The following RGS8 variants were observed in gnomAD, a reference collection of about 807,000 sequenced individuals.
The protein encoded by RGS8 is regulator of G-protein signaling 8.
RGS8 carries 8 observed loss-of-function variants against 21.7 expected under a neutral mutation model. The ratio of observed to expected loss-of-function variants is 0.37; its 90% CI spans 0.22 to 0.66. The LOEUF (loss-of-function observed/expected upper bound fraction) is 0.66, where lower values mean the gene tolerates loss of function less well. Among genes scored for constraint, RGS8 ranks in the 30% least tolerant of loss-of-function variants. The probability of loss-of-function intolerance (pLI) is 0.59; values close to 1 mark genes in which losing one functional copy is unlikely to be tolerated. For synonymous variants in RGS8, 80 were observed against 83.6 expected (o/e 0.96, Z 0.24); for missense variants, 157 against 217.9 (o/e 0.72, Z 1.76).
At chr1:182,700,438 G>A in the RGS8 span, among the ~76,000 whole-genome samples, 1 of 152,078 alleles carries the variant, frequency 6.6e-6, no homozygotes, top group South Asian at 2.1e-4. Flanking sequence ...ATTCCTCCCC[G>A]AAAACGTAAC....
At chr1:182,679,940 G>A (rs1029795965) in intron 1 of RGS8, among the ~76,000 whole-genome samples, 3 of 152,070 alleles carry the variant, frequency 2.0e-5, no homozygotes, top group African/African-American at 7.2e-5. Flanking sequence ...AGTAATTACA[G>A]GCAACTCCCT....
the RGS8 span, among the ~76,000 whole-genome samples, chr1:182,721,377 A>G: frequency 6.6e-6 from 1 of 152,276 alleles, no homozygotes; most frequent in South Asian, 2.1e-4. Flanking sequence ...ACAAAGATCT[A>G]GGGATGTCAT....
the RGS8 span, among the ~76,000 whole-genome samples, chr1:182,700,025 T>C: frequency 5.3e-5 from 8 of 152,134 alleles, 1 homozygote; most frequent in Non-Finnish European, 8.8e-5. Context: ...CTTCCCGAGC[T>C]CGGGATCCAG....
the RGS8 span, among the ~76,000 whole-genome samples, chr1:182,726,141 CT>C: frequency 6.7e-6 from 1 of 148,476 alleles, no homozygotes; most frequent in African/African-American, 2.5e-5. Context: ...GCACTGATTG[CT>C]TTTGGGAAAG....
At chr1:182,741,205 TG>T in the RGS8 span, among the ~76,000 whole-genome samples, 1 of 73,484 alleles carries the variant, frequency 1.4e-5, no homozygotes, top group African/African-American at 5.6e-5. Context: ...ACCTCCCTCC[TG>T]GACGGGGCGG....
chr1:182,654,711 A>T (rs1267113554), intron 5 of RGS8, among the ~76,000 whole-genome samples: 3 of 145,416 alleles, frequency 2.1e-5, no homozygotes, highest in Admixed American at 6.9e-5. Flanking sequence ...AGAATGTGAT[A>T]AAAAAAAAAC....
chr1:182,697,019 G>A, the RGS8 span, among the ~76,000 whole-genome samples: 2 of 152,128 alleles, frequency 1.3e-5, no homozygotes, highest in Admixed American at 6.5e-5. Flanking sequence ...GCAGAAGTAG[G>A]AGTCCCAAGA....
the RGS8 span, among the ~76,000 whole-genome samples, chr1:182,721,082 CATATATATGTGTGTATATATATACAT>C: frequency 4.0e-5 from 4 of 99,816 alleles, no homozygotes; most frequent in Admixed American, 2.2e-4. Flanking sequence ...CATATATACA[CATATATATGTGTGTATATATATACAT>C]ATATATATGA....
chr1:182,667,125 C>T, intron 3 of RGS8, 152 bp from the exon 5 acceptor site: 1 of 638,456 alleles, frequency 1.6e-6, no homozygotes. Flanking sequence ...CAGGAAGAGA[C>T]CACCTAGAGA....
At chr1:182,686,647 C>T (rs1194954021), upstream of RGS8, among the ~76,000 whole-genome samples, 1 of 152,140 alleles carries the variant, frequency 6.6e-6, no homozygotes, top group African/African-American at 2.4e-5. Flanking sequence ...CAAATGAAAA[C>T]TAATTGTGTG....
chr1:182,663,127 T>C (rs150099970), intron 5 of RGS8, among the ~76,000 whole-genome samples: 279 of 152,280 alleles, frequency 1.8e-3, no homozygotes, highest in African/African-American at 6.2e-3. Flanking sequence ...ATTGTCTTAA[T>C]TGCAAGCTCC....
At chr1:182,748,433 G>A in the RGS8 span, among the ~76,000 whole-genome samples, 2 of 152,178 alleles carry the variant, frequency 1.3e-5, no homozygotes, top group African/African-American at 2.4e-5. Context: ...GCAAATGGCA[G>A]GATTTCATTC....
chr1:182,659,448 C>A (rs1175128222), intron 5 of RGS8, among the ~76,000 whole-genome samples: 3 of 152,194 alleles, frequency 2.0e-5, no homozygotes, highest in African/African-American at 7.2e-5. Context: ...CGCCTATAGT[C>A]TCAGCATTTT....
At chr1:182,709,077 GGCTT>G in the RGS8 span, among the ~76,000 whole-genome samples, 3 of 137,390 alleles carry the variant, frequency 2.2e-5, no homozygotes, top group South Asian at 4.7e-4. Flanking sequence ...TCCTTTTCCT[GGCTT>G]TCTTTCTACT....
chr1:182,738,914 C>G, the RGS8 span, among the ~76,000 whole-genome samples: 1 of 152,080 alleles, frequency 6.6e-6, no homozygotes, highest in Non-Finnish European at 1.5e-5. Context: ...GGATGAAGGT[C>G]GATGGTAAGG....
the RGS8 span, among the ~76,000 whole-genome samples, chr1:182,702,665 T>A: frequency 6.6e-6 from 1 of 152,246 alleles, no homozygotes; most frequent in East Asian, 1.9e-4. Flanking sequence ...TCATCAGTGA[T>A]TTTCTAATTA....
At chr1:182,658,149 C>G (rs1006748655) in intron 5 of RGS8, among the ~76,000 whole-genome samples, 1 of 152,212 alleles carries the variant, frequency 6.6e-6, no homozygotes, top group Non-Finnish European at 1.5e-5. Flanking sequence ...ACCTGAGCAT[C>G]CACAGAATCT....
chr1:182,655,002 A>G (rs778594906), intron 5 of RGS8, among the ~76,000 whole-genome samples: 10 of 152,216 alleles, frequency 6.6e-5, no homozygotes, highest in Non-Finnish European at 1.5e-4. Context: ...TTGATAGCAC[A>G]CTTACTTTGG....
At chr1:182,679,669 A>C (rs1459118626) in intron 1 of RGS8, among the ~76,000 whole-genome samples, 1 of 152,128 alleles carries the variant, frequency 6.6e-6, no homozygotes, top group Admixed American at 6.5e-5. Context: ...GCTCCCAATC[A>C]TGTAGACTCC....
Sources: gnomAD v4.1 joint callset for allele counts (sites outside exome capture counted in the v4.1 genomes callset) on GRCh38, gnomAD v4.1.1 for gene constraint, MANE v1.5 for transcripts, NCBI Gene and HGNC (gene_info 2026-07-23, HGNC 2026-07-21) for gene names.